AKAP6: variants seen among roughly 807,000 people sequenced by gnomAD.
AKAP6 encodes A-kinase anchor protein 6.
Under a neutral mutation model 188.5 loss-of-function variants are expected in AKAP6, and 58 were observed. The observed-to-expected ratio is 0.31, with a 90% confidence interval of 0.25 to 0.38. AKAP6 has a LOEUF of 0.38. Among genes scored for constraint, AKAP6 ranks in the 10% least tolerant of loss-of-function variants. AKAP6 has a pLI of 1.00. For synonymous variants in AKAP6, 989 were observed against 998.6 expected, an observed-to-expected ratio of 0.99 and a Z score of 0.18; for missense variants, 2,710 against 2,740.0, an observed-to-expected ratio of 0.99 and a Z score of 0.24.
Position 32,577,726 on chromosome 14 carries a change from T to C in AKAP6, c.2469+484T>C, listed in dbSNP as rs565370633. Among the ~76,000 whole-genome samples, 6 of 152,142 alleles carry C rather than the reference T, an allele frequency of 3.9e-5. No homozygotes were observed. The South Asian group carries it at 1.0e-3, about 26-fold the overall frequency. On this transcript the variant is annotated intron_variant, in intron 5 of 13. Transcript: ENST00000280979. ...CCATCATTTTTGCTGCTATGTGGGTTTTTCAGCATATAATTAATACAACTG... is the reference window on the plus strand; with the variant it reads ...CCATCATTTTTGCTGCTATGTGGGTCTTTCAGCATATAATTAATACAACTG...
At chr14:32,470,786 T>G (rs1878735298) in intron 2 of AKAP6, among the ~76,000 whole-genome samples, 1 of 152,226 alleles carries the variant, frequency 6.6e-6, no homozygotes, top group African/African-American at 2.4e-5. Context: ...TGATTTTTCT[T>G]AAGTCTAAAT....
At chr14:32,572,457 A>T (rs1157556725) in intron 4 of AKAP6, among the ~76,000 whole-genome samples, 1 of 152,212 alleles carries the variant, frequency 6.6e-6, no homozygotes, top group Non-Finnish European at 1.5e-5. Context: ...CCCTGGCCCC[A>T]TATATGGCAC....
intron 9 of AKAP6, among the ~76,000 whole-genome samples, chr14:32,715,841 A>G (rs572692538): frequency 6.6e-5 from 10 of 152,038 alleles, no homozygotes; most frequent in Admixed American, 4.6e-4. Flanking sequence ...ATATATACAA[A>G]TAAGGAATTA....
At chr14:32,813,029 G>A (rs1041490687) in intron 12 of AKAP6, among the ~76,000 whole-genome samples, 1 of 152,000 alleles carries the variant, frequency 6.6e-6, no homozygotes, top group Non-Finnish European at 1.5e-5. Context: ...GATCCCATAC[G>A]GGAAAGGGCT....
chr14:32,763,904 G>T (rs1394717935), intron 11 of AKAP6, among the ~76,000 whole-genome samples: 4 of 152,044 alleles, frequency 2.6e-5, no homozygotes, highest in Non-Finnish European at 4.4e-5. Context: ...TTCATTTGAG[G>T]TATTTTAATG....
chr14:32,584,747 A>AT (rs1273655777), intron 5 of AKAP6, among the ~76,000 whole-genome samples: 2 of 151,924 alleles, frequency 1.3e-5, no homozygotes, highest in Admixed American at 6.6e-5. Flanking sequence ...AACAATATGT[A>AT]TTTTTTTCGG....
intron 2 of AKAP6, among the ~76,000 whole-genome samples, chr14:32,468,063 C>T (rs1363517488): frequency 6.6e-6 from 1 of 152,032 alleles, no homozygotes; most frequent in East Asian, 1.9e-4. Flanking sequence ...TGTCATCTCC[C>T]TTTCAAAGAG....
At chr14:32,698,205 T>C (rs935550835) in intron 9 of AKAP6, among the ~76,000 whole-genome samples, 1 of 152,012 alleles carries the variant, frequency 6.6e-6, no homozygotes, top group Non-Finnish European at 1.5e-5. Context: ...ATTAGAAAAA[T>C]TGATGAGAAG....
intron 9 of AKAP6, among the ~76,000 whole-genome samples, chr14:32,721,215 G>A (rs2030518196): frequency 6.6e-6 from 1 of 152,206 alleles, no homozygotes; most frequent in Non-Finnish European, 1.5e-5. Context: ...GGAATGCACA[G>A]AAAACCCTTT....
chr14:32,702,036 TGAAAC>T (rs374586364), intron 9 of AKAP6, among the ~76,000 whole-genome samples: 47 of 152,290 alleles, frequency 3.1e-4, no homozygotes, highest in African/African-American at 1.1e-3. Context: ...ATGTTCAAAA[TGAAAC>T]AAATTACAGT....
At chr14:32,454,137 C>T (rs1891040507) in intron 2 of AKAP6, among the ~76,000 whole-genome samples, 1 of 152,152 alleles carries the variant, frequency 6.6e-6, no homozygotes, top group African/African-American at 2.4e-5. Context: ...ATGGCCAAGT[C>T]CTCTCAGAAC....
At chr14:32,517,918 G>A (rs1009577556) in intron 2 of AKAP6, among the ~76,000 whole-genome samples, 3 of 152,184 alleles carry the variant, frequency 2.0e-5, no homozygotes, top group Non-Finnish European at 4.4e-5. Flanking sequence ...CCTGACGCCC[G>A]AGTAGCCTAA....
At chr14:32,593,439 T>C (rs1885567626) in intron 5 of AKAP6, among the ~76,000 whole-genome samples, 1 of 152,164 alleles carries the variant, frequency 6.6e-6, no homozygotes, top group African/African-American at 2.4e-5. Flanking sequence ...CTTAAATTCC[T>C]TACAAGAAAT....
At position 32,543,121 on chromosome 14, in the gene AKAP6, C is replaced by T. The variant is rs557628462; in HGVS notation, c.577-2109C>T. Among the ~76,000 whole-genome samples, 7 of 152,198 alleles carry T rather than the reference C, an allele frequency of 4.6e-5. No homozygotes were observed. The South Asian group carries it at 1.5e-3, about 32-fold the overall frequency. ...TTGCTTTTAATTACAGTCATCTGAC[C>T]CTGCTATAGAAACCAGAACTTATTC... On this transcript the variant is annotated intron_variant, in intron 3 of 13. Coordinates refer to ENST00000280979, the MANE Select transcript of AKAP6 (RefSeq NM_004274.5).
chr14:32,698,083 G>A lies in AKAP6; in HGVS notation c.3000+1973G>A, dbSNP rs1177662989. Among the ~76,000 whole-genome samples, 3 of 152,250 alleles carry A rather than the reference G, an allele frequency of 2.0e-5. No homozygotes were observed. The East Asian group carries it at 5.8e-4, about 29-fold the overall frequency. On this transcript the variant is annotated intron_variant, in intron 9 of 13. Coordinates refer to ENST00000280979, the MANE Select transcript of AKAP6 (RefSeq NM_004274.5). ...AACCAGTAGAAAATGCTGCTAGTCT[G>A]TAGGGTCTTTCTTTATGTGCACTCC... is the stretch of plus-strand genomic sequence containing the variant.
chr14:32,430,125 A>G (rs1434247682), intron 1 of AKAP6, among the ~76,000 whole-genome samples: 1 of 152,234 alleles, frequency 6.6e-6, no homozygotes, highest in Non-Finnish European at 1.5e-5. Flanking sequence ...TAATACTTGT[A>G]GGCTTTGACA....
At chr14:32,576,051 C>A (rs918293020) in intron 4 of AKAP6, among the ~76,000 whole-genome samples, 1 of 152,020 alleles carries the variant, frequency 6.6e-6, no homozygotes, top group Non-Finnish European at 1.5e-5. Context: ...AAAATATTAT[C>A]TAGGAAAAAC....
intron 1 of AKAP6, among the ~76,000 whole-genome samples, chr14:32,368,017 T>C (rs1887889664): frequency 6.6e-6 from 1 of 152,216 alleles, no homozygotes; most frequent in African/African-American, 2.4e-5. Context: ...TTTCTTCTAT[T>C]GGTCCTGCCA....
rs547227713 is a variant in AKAP6 at position 32,614,345 on chromosome 14, G to A, written c.2730+13553G>A. ...TGGCTAATACACAAAAGGGAAATCA[G>A]GTAGAAGAGTTTGAAGATGAAATCT... is the stretch of plus-strand genomic sequence containing the variant. On this transcript the variant is annotated intron_variant, in intron 7 of 13. Coordinates refer to ENST00000280979, the MANE Select transcript of AKAP6 (RefSeq NM_004274.5). 2.0e-5 allele frequency among the ~76,000 whole-genome samples: 3 copies of A among 152,268 alleles called. No homozygotes were observed. In the East Asian group the frequency reaches 5.8e-4, roughly 29 times the overall value.
Sources: allele counts gnomAD v4.1 joint callset (sites outside exome capture counted in the v4.1 genomes callset), GRCh38; gene constraint gnomAD v4.1.1; transcripts MANE v1.5; gene names NCBI Gene and HGNC (gene_info 2026-07-23, HGNC 2026-07-21).